XRCC6: variants seen among roughly 807,000 people sequenced by gnomAD.
XRCC6 encodes the protein X-ray repair cross complementing 6, also known as DNA repair protein Ku70.
XRCC6 carries 5 observed loss-of-function variants against 65.7 expected under a neutral mutation model. The ratio of observed to expected loss-of-function variants is 0.08; its 90% CI spans 0.04 to 0.16. The LOEUF is 0.16. Among genes scored for constraint, XRCC6 ranks in the 10% least tolerant of loss-of-function variants. XRCC6 has a pLI of 1.00. For synonymous variants in XRCC6, 270 were observed against 270.6 expected, an observed-to-expected ratio of 1.00 and a Z score of 0.02; for missense variants, 447 against 738.1, an observed-to-expected ratio of 0.61 and a Z score of 4.57.
Position 41,658,254 on chromosome 22 carries a change from G to A in XRCC6, c.1424G>A (p.Ser475Asn). 1.9e-6 allele frequency: 3 copies of A among 1,613,230 alleles called. No homozygotes were observed. Among genetic ancestry groups the A allele is most frequent in the Non-Finnish European group, 2.5e-6 (3 of 1,179,908 alleles). The part of the protein sequence containing the change: ...IVEKLRFTYR[S>N]DSFENPVLQQ... The stretch of plus-strand genomic sequence containing the variant: ...GAGTTACATTATTGTTTTAACAGAA[G>A]TGACAGCTTTGAGAACCCCGTGCTG... Residue 475 changes from serine (S) to asparagine (N), a missense_variant and splice_region_variant, in exon 11 of 13, where the codon AGT becomes AAT. This residue lies in a region of XRCC6 where 201 missense variants were observed against 374.1 expected (regional missense o/e 0.54). Transcript: ENST00000360079.
chr22:41,647,628 G>A (rs1278978243), intron 7 of XRCC6, among the ~76,000 whole-genome samples: 2 of 151,558 alleles, frequency 1.3e-5, no homozygotes, highest in African/African-American at 4.8e-5. Flanking sequence ...TGCCTGGGCT[G>A]GTGTCAAACT....
intron 6 of XRCC6, among the ~76,000 whole-genome samples, chr22:41,643,529 T>A (rs1338325817): frequency 6.6e-6 from 1 of 152,000 alleles, no homozygotes; most frequent in Non-Finnish European, 1.5e-5. Context: ...AAAATAATTT[T>A]AAATTTTCTG....
intron 11 of XRCC6, among the ~76,000 whole-genome samples, chr22:41,660,647 G>A (rs904043975): frequency 3.3e-5 from 5 of 152,020 alleles, no homozygotes; most frequent in Admixed American, 1.3e-4. Flanking sequence ...CCAGCTATAT[G>A]TCACCTGCTA....
Position 41,663,913 on chromosome 22 carries a change from G to C in XRCC6, c.*98G>C. 3 of 1,325,100 alleles carry C rather than the reference G, an allele frequency of 2.3e-6. No homozygotes were observed. Among genetic ancestry groups the C allele is most frequent in the Non-Finnish European group, 3.1e-6 (3 of 968,302 alleles). The allele number at this position is 1,325,100 out of a possible 1,614,324, so 82.1% of individuals were successfully genotyped here. A position where few individuals can be genotyped will look rare whatever the true frequency, so the allele number is the denominator to read the frequency against. The stretch of plus-strand genomic sequence containing the variant: ...ATGTGTTTCTCCTGAGCTAGGAAGA[G>C]TCTACCCGACATAAGTCGAGGGACT... On this transcript the variant is annotated 3_prime_UTR_variant, in exon 13 of 13. Transcript: ENST00000360079.
Position 41,636,179 on chromosome 22 carries a change from T to C in XRCC6, c.262T>C (p.Tyr88His). 6.2e-7 allele frequency: 1 copy of C among 1,609,718 alleles called. No homozygotes were observed. Among genetic ancestry groups the C allele is most frequent in the Non-Finnish European group, 8.5e-7 (1 of 1,179,194 alleles). The change falls in exon 4 of 13, where the codon TAT (tyrosine) becomes CAT (histidine). Residue 88 changes from tyrosine to histidine, a missense_variant. Tyr to His is a moderately conservative substitution (Grantham distance 83, BLOSUM62 2). This residue lies in a region of XRCC6 where 228 missense variants were observed against 307.4 expected (regional missense o/e 0.74). Coordinates refer to ENST00000360079, the MANE Select transcript of XRCC6 (RefSeq NM_001469.5). ...SDRDLLAVVFYGTEKDKNSVN... is the reference protein window; with the variant it reads ...SDRDLLAVVFHGTEKDKNSVN... Reference sequence around the variant, plus strand: ...TCGAGATCTCTTGGCTGTGGTGTTCTATGGTACCGAGAAAGACAAAAATTC... The same window carrying C: ...TCGAGATCTCTTGGCTGTGGTGTTCCATGGTACCGAGAAAGACAAAAATTC...
chr22:41,657,586 G>A (rs1172558910), intron 10 of XRCC6, among the ~76,000 whole-genome samples: 3 of 151,106 alleles, frequency 2.0e-5, no homozygotes, highest in African/African-American at 4.9e-5. Flanking sequence ...TGGTGTTACT[G>A]TAGTTCACTG....
chr22:41,643,541 C>T (rs1401964813), intron 6 of XRCC6, among the ~76,000 whole-genome samples: 1 of 152,072 alleles, frequency 6.6e-6, no homozygotes, highest in Non-Finnish European at 1.5e-5. Context: ...AATTTTCTGG[C>T]CGGGCGCGCT....
At chr22:41,647,204 TC>T (rs2067941306) in intron 7 of XRCC6, 122 bp downstream of exon 7, 2 of 968,666 alleles carry the variant, frequency 2.1e-6, no homozygotes, top group Non-Finnish European at 3.0e-6. Context: ...ACTCAAGCGA[TC>T]CTTCTGTCTC....
At chr22:41,659,589 C>CT (rs2068081125) in intron 11 of XRCC6, among the ~76,000 whole-genome samples, 1 of 152,114 alleles carries the variant, frequency 6.6e-6, no homozygotes, top group Non-Finnish European at 1.5e-5. Context: ...ATCCACCTGT[C>CT]TCGGCCTCCC....
At chr22:41,622,230 G>C (rs1357238671) in intron 2 of XRCC6, 144 bp downstream of exon 2, 1 of 902,988 alleles carries the variant, frequency 1.1e-6, no homozygotes. Flanking sequence ...TTTGAACTTC[G>C]CAGAGCTACC....
intron 7 of XRCC6, among the ~76,000 whole-genome samples, chr22:41,649,850 TAA>T (rs1569093589): frequency 4.0e-5 from 1 of 24,746 alleles, no homozygotes; most frequent in Non-Finnish European, 3.1e-4. Flanking sequence ...AAAAAAAAAA[TAA>T]TAATAAATAA....
At chr22:41,634,817 A>T (rs1033388445) in intron 3 of XRCC6, among the ~76,000 whole-genome samples, 2 of 152,168 alleles carry the variant, frequency 1.3e-5, no homozygotes, top group African/African-American at 4.8e-5. Context: ...TGCTGGGATT[A>T]TAGGCATGAG....
chr22:41,636,539 G>C lies in XRCC6; in HGVS notation c.358G>C (p.Asp120His), dbSNP rs1434877351. The change falls in exon 5 of 13, where the codon GAC becomes CAC. Residue 120 changes from aspartate (D) to histidine (H), a missense_variant. This residue lies in a region of XRCC6 where 228 missense variants were observed against 307.4 expected (regional missense o/e 0.74). Coordinates refer to ENST00000360079, the MANE Select transcript of XRCC6 (RefSeq NM_001469.5). ...AGGTGCAAAACGAATTCTAGAGCTT[G>C]ACCAGTTTAAGGGGCAGCAGGGACA... ...NPGAKRILEL[D>H]QFKGQQGQKR... is the part of the protein sequence containing the mutation. 1.2e-6 allele frequency: 2 copies of C among 1,613,950 alleles called. No homozygotes were observed. The highest frequency in any genetic ancestry group is 1.7e-6 in the Non-Finnish European group (2 of 1,179,862).
At position 41,658,321 on chromosome 22, in the gene XRCC6, G is replaced by T. The variant is rs1202005824; in HGVS notation, c.1491G>T (p.Leu497Phe). ...FRNLEALALD[L>F]MEPEQAVDLT... ...ACCTGGAGGCCTTGGCCTTGGATTT[G>T]ATGGAGCCGGAACAAGCAGTGGACC... The change falls in exon 11 of 13, where the codon TTG (leucine) becomes TTT (phenylalanine). Residue 497 changes from leucine (L) to phenylalanine (F), a missense_variant. Physicochemically the swap from Leu to Phe is conservative, Grantham distance 22. Around this residue, in one of 4 missense-constraint regions of XRCC6, gnomAD observed 201 missense variants for 374.1 expected, o/e 0.54. Transcript: ENST00000360079. 2 of 1,613,998 alleles carry T rather than the reference G, an allele frequency of 1.2e-6. No homozygotes were observed. The highest frequency in any genetic ancestry group is 1.7e-6 in the Non-Finnish European group (2 of 1,180,038).
chr22:41,637,602 C>T lies in XRCC6; in HGVS notation c.590-6C>T. The T allele has an allele frequency of 6.4e-7, 1 of 1,573,640 alleles. No individual in the cohort carries two copies. Among genetic ancestry groups the T allele is most frequent in the Non-Finnish European group, 8.6e-7 (1 of 1,159,768 alleles). On this transcript the variant is annotated splice_region_variant and splice_polypyrimidine_tract_variant and intron_variant, in intron 5 of 12. Coordinates refer to ENST00000360079, the MANE Select transcript of XRCC6 (RefSeq NM_001469.5). Reference sequence around the variant, plus strand: ...CCTCCCTCACTTTTGTTTACCCTTGCAACAGGCATCTTCCTTGACTTGATG... The same window carrying T: ...CCTCCCTCACTTTTGTTTACCCTTGTAACAGGCATCTTCCTTGACTTGATG...
chr22:41,658,480 G>A, intron 11 of XRCC6, 128 bp downstream of exon 11: 1 of 860,508 alleles, frequency 1.2e-6, no homozygotes, highest in South Asian at 1.6e-5. Context: ...GACCCCCTCT[G>A]TTTGGAAGCT....
chr22:41,638,473 A>G (rs1171181022), intron 6 of XRCC6, among the ~76,000 whole-genome samples: 1 of 152,152 alleles, frequency 6.6e-6, no homozygotes, highest in Non-Finnish European at 1.5e-5. Context: ...ATCTAAAGGT[A>G]TAGAAAAGGT....
Position 41,637,590 on chromosome 22 carries a change from T to C in XRCC6, c.590-18T>C, listed in dbSNP as rs540564630. Reference sequence around the variant, plus strand: ...AAATTGTTTTTTCCTCCCTCACTTTTGTTTACCCTTGCAACAGGCATCTTC... The same window carrying C: ...AAATTGTTTTTTCCTCCCTCACTTTCGTTTACCCTTGCAACAGGCATCTTC... On this transcript the variant is annotated intron_variant, in intron 5 of 12. Coordinates refer to ENST00000360079, the MANE Select transcript of XRCC6 (RefSeq NM_001469.5). 22 of 1,539,682 alleles carry C rather than the reference T, an allele frequency of 1.4e-5. No individual in the cohort carries two copies. The South Asian group carries it at 2.0e-4, about 14-fold the overall frequency.
intron 2 of XRCC6, among the ~76,000 whole-genome samples, chr22:41,625,914 C>G (rs568026709): frequency 6.6e-6 from 1 of 152,136 alleles, no homozygotes; most frequent in South Asian, 2.1e-4. Flanking sequence ...TCTCGGCTCG[C>G]TGCAATCTCT....
Sources: allele counts gnomAD v4.1 joint callset (sites outside exome capture counted in the v4.1 genomes callset), GRCh38; gene constraint gnomAD v4.1.1; regional missense constraint gnomAD v4.1.1; transcripts MANE v1.5; gene names NCBI Gene and HGNC (gene_info 2026-07-23, HGNC 2026-07-21).